Variants in NRXN3 observed in about 807,000 individuals in gnomAD.
NRXN3 encodes neurexin III.
In NRXN3, 32 loss-of-function variants were observed where a neutral mutation model predicts 137.6. The observed-to-expected ratio is 0.23, with a 90% CI of 0.18 to 0.31. The LOEUF is 0.31. Among genes scored for constraint, NRXN3 ranks in the 10% least tolerant of loss-of-function variants. The pLI is 1.00. For synonymous variants in NRXN3, 798 were observed against 784.5 expected (o/e 1.02, Z -0.29); for missense variants, 1,574 against 2,062.5 (o/e 0.76, Z 4.59).
rs1244297997 is a variant in NRXN3, at chr14:78,926,780, T to TAAA, written c.2276-30460_2276-30458dup. Among the ~76,000 whole-genome samples, 86 of 38,570 alleles carry TAAA rather than the reference T, an allele frequency of 2.2e-3. 6 individuals carry two copies. Among genetic ancestry groups the TAAA allele is most frequent in the Admixed American group, 2.6e-3 (6 of 2,266 alleles). The allele number at this position is 38,570 out of a possible 152,430, so 25.3% of individuals were successfully genotyped here. A position where few individuals can be genotyped will look rare whatever the true frequency, so the allele number is the denominator to read the frequency against. ...ATATATATTATATATATTATATATA[T>TAAA]AAAATATATTATATATTATATATTT... On this transcript the variant is annotated intron_variant, in intron 10 of 20. Coordinates refer to ENST00000335750, the MANE Select transcript of NRXN3 (RefSeq NM_001330195.2).
chr14:78,692,255 T>C (rs551189557), intron 6 of NRXN3, among the ~76,000 whole-genome samples: 1 of 152,316 alleles, frequency 6.6e-6, no homozygotes, highest in African/African-American at 2.4e-5. Flanking sequence ...CTTCTCAAGA[T>C]ATCTATTTGA....
intron 4 of NRXN3, among the ~76,000 whole-genome samples, chr14:78,536,416 C>A (rs34309973): frequency 0.23 from 34,796 of 152,000 alleles, 4,261 homozygotes; most frequent in Middle Eastern, 0.32. Context: ...TCTGAGGAAA[C>A]CCAAACTAAG....
At chr14:79,636,251 C>T (rs2098402607) in intron 16 of NRXN3, among the ~76,000 whole-genome samples, 2 of 152,166 alleles carry the variant, frequency 1.3e-5, no homozygotes, top group African/African-American at 4.8e-5. Context: ...TAACCCATAA[C>T]TCCATGTTAT....
intron 6 of NRXN3, among the ~76,000 whole-genome samples, chr14:78,664,189 A>G (rs2097862820): frequency 6.6e-6 from 1 of 152,208 alleles, no homozygotes; most frequent in Non-Finnish European, 1.5e-5. Context: ...CAATATCAGC[A>G]GATGTTCTAT....
intron 15 of NRXN3, among the ~76,000 whole-genome samples, chr14:79,279,184 G>A (rs2080822274): frequency 1.3e-5 from 2 of 152,134 alleles, no homozygotes; most frequent in South Asian, 4.1e-4. Flanking sequence ...CGGGCGGCGT[G>A]TGCTGGAGGC....
intron 15 of NRXN3, among the ~76,000 whole-genome samples, chr14:79,438,705 C>T (rs1239165538): frequency 6.6e-6 from 1 of 152,164 alleles, no homozygotes; most frequent in Non-Finnish European, 1.5e-5. Flanking sequence ...AATTAAATCT[C>T]AAGGGAATGT....
chr14:79,692,931 A>G (rs1283705323), intron 18 of NRXN3, among the ~76,000 whole-genome samples: 2 of 152,082 alleles, frequency 1.3e-5, no homozygotes, highest in Non-Finnish European at 2.9e-5. Flanking sequence ...GGTTGTGTGC[A>G]TACACTTGTG....
intron 15 of NRXN3, among the ~76,000 whole-genome samples, chr14:79,146,121 A>T (rs1374748437): frequency 6.6e-6 from 1 of 152,174 alleles, no homozygotes; most frequent in Non-Finnish European, 1.5e-5. Flanking sequence ...TTTAATCCTC[A>T]TAGCCTTGTT....
intron 15 of NRXN3, among the ~76,000 whole-genome samples, chr14:79,335,318 T>C (rs964382156): frequency 2.6e-5 from 4 of 152,132 alleles, no homozygotes; most frequent in Admixed American, 2.0e-4. Context: ...TTTACTTTGC[T>C]TTTTTCCTCT....
chr14:78,973,289 A>G (rs938330678), intron 14 of NRXN3, among the ~76,000 whole-genome samples: 1 of 152,148 alleles, frequency 6.6e-6, no homozygotes, highest in Non-Finnish European at 1.5e-5. Flanking sequence ...TAGAAAAAAG[A>G]ACTTGGAAGG....
chr14:78,864,106 A>G (rs2099080266), intron 10 of NRXN3, among the ~76,000 whole-genome samples: 1 of 152,176 alleles, frequency 6.6e-6, no homozygotes, highest in Admixed American at 6.5e-5. Flanking sequence ...GAAGACTCAA[A>G]ATACATTTAG....
At position 78,271,929 on chromosome 14, in the gene NRXN3, C is replaced by T. The variant is rs139362140; in HGVS notation, c.710-6716C>T. ...CTGAGAGCCAGAAAGAGCCCTAGAACGAAGGAAACAACCTCCTCACTGCTG... is the reference window on the plus strand; with the variant it reads ...CTGAGAGCCAGAAAGAGCCCTAGAATGAAGGAAACAACCTCCTCACTGCTG... On this transcript the variant is annotated intron_variant, in intron 2 of 20. Coordinates refer to ENST00000335750, the MANE Select transcript of NRXN3 (RefSeq NM_001330195.2). 7.7e-3 allele frequency among the ~76,000 whole-genome samples: 1,173 copies of T among 152,196 alleles called. 22 individuals are homozygous for T. Among genetic ancestry groups the T allele is most frequent in the African/African-American group, 0.027 (1,119 of 41,536 alleles).
intron 19 of NRXN3, among the ~76,000 whole-genome samples, chr14:79,774,345 A>G (rs1182752264): frequency 6.6e-6 from 1 of 152,148 alleles, no homozygotes; most frequent in Admixed American, 6.6e-5. Context: ...GAGCAAGTCA[A>G]TGGTAATATC....
intron 17 of NRXN3, among the ~76,000 whole-genome samples, chr14:79,690,827 G>A (rs73329960): frequency 0.026 from 3,932 of 152,202 alleles, 140 homozygotes; most frequent in African/African-American, 0.088. Context: ...CAATTGAAAT[G>A]CTTTAGCATG....
chr14:79,029,572 T>C (rs2099603985), intron 15 of NRXN3, among the ~76,000 whole-genome samples: 1 of 152,154 alleles, frequency 6.6e-6, no homozygotes, highest in Non-Finnish European at 1.5e-5. Flanking sequence ...TATTTCTCAA[T>C]AGCCATGCCA....
chr14:79,408,515 T>A (rs2095356175), intron 15 of NRXN3, among the ~76,000 whole-genome samples: 1 of 152,148 alleles, frequency 6.6e-6, no homozygotes, highest in African/African-American at 2.4e-5. Context: ...AGGGAGGTAA[T>A]GTTTACTATT....
intron 4 of NRXN3, among the ~76,000 whole-genome samples, chr14:78,398,906 C>T (rs1247067060): frequency 2.0e-5 from 3 of 152,140 alleles, no homozygotes; most frequent in East Asian, 1.9e-4. Context: ...CAAGTTGAGA[C>T]CCCATTATAG....
chr14:79,514,170 T>A (rs537286048), intron 16 of NRXN3, among the ~76,000 whole-genome samples: 1 of 143,988 alleles, frequency 6.9e-6, no homozygotes. Flanking sequence ...TTTTTTTTTA[T>A]TTTTATCCAC....
At chr14:78,542,738 T>C (rs928329833) in intron 4 of NRXN3, among the ~76,000 whole-genome samples, 2 of 152,154 alleles carry the variant, frequency 1.3e-5, no homozygotes, top group Non-Finnish European at 2.9e-5. Context: ...GGTACCTCAG[T>C]TGGAAATGCA....
Sources: gnomAD v4.1 joint callset for allele counts (sites outside exome capture counted in the v4.1 genomes callset) on GRCh38, gnomAD v4.1.1 for gene constraint, MANE v1.5 for transcripts, NCBI Gene and HGNC (gene_info 2026-07-23, HGNC 2026-07-21) for gene names.